ROBO2: variants seen among roughly 807,000 people sequenced by gnomAD.
ROBO2 encodes roundabout homolog 2.
ROBO2 carries 53 observed loss-of-function variants against 160.8 expected under a neutral mutation model. That is an observed-to-expected ratio of 0.33 (90% CI 0.26 to 0.41). ROBO2 has a LOEUF of 0.41. Among genes scored for constraint, ROBO2 ranks in the 10% least tolerant of loss-of-function variants. The probability of loss-of-function intolerance (pLI) is 1.00; values close to 1 mark genes in which losing one functional copy is unlikely to be tolerated. For missense variants in ROBO2, 1,577 were observed against 1,722.4 expected, an observed-to-expected ratio of 0.92 and a Z score of 1.49; for synonymous variants, 664 against 611.7, an observed-to-expected ratio of 1.09 and a Z score of -1.26.
chr3:76,587,857 T>C (rs956163441), intron 2 of ROBO2, among the ~76,000 whole-genome samples: 9 of 152,196 alleles, frequency 5.9e-5, no homozygotes, highest in African/African-American at 2.2e-4. Flanking sequence ...TCAGCCAATG[T>C]GTGGTCGACA....
intron 2 of ROBO2, among the ~76,000 whole-genome samples, chr3:76,973,933 A>C (rs2149294635): frequency 6.6e-6 from 1 of 152,266 alleles, no homozygotes; most frequent in African/African-American, 2.4e-5. Context: ...TGATAAACTC[A>C]AGAAAAGGGC....
At chr3:76,909,293 T>A (rs1384532196) in intron 2 of ROBO2, among the ~76,000 whole-genome samples, 2 of 152,134 alleles carry the variant, frequency 1.3e-5, no homozygotes, top group East Asian at 1.9e-4. Flanking sequence ...CAAAATAGGA[T>A]CTTCACTCAT....
intron 2 of ROBO2, among the ~76,000 whole-genome samples, chr3:76,254,293 A>G (rs1007469906): frequency 1.3e-5 from 2 of 152,156 alleles, no homozygotes; most frequent in Non-Finnish European, 2.9e-5. Flanking sequence ...TATGAGGACC[A>G]TCACATCCAT....
chr3:77,265,699 A>G (rs2059079094), intron 2 of ROBO2, among the ~76,000 whole-genome samples: 1 of 152,156 alleles, frequency 6.6e-6, no homozygotes, highest in African/African-American at 2.4e-5. Context: ...ATCTTACTGT[A>G]TACTTTCCAT....
chr3:77,197,282 T>A (rs1277217270), intron 2 of ROBO2, among the ~76,000 whole-genome samples: 1 of 152,144 alleles, frequency 6.6e-6, no homozygotes, highest in East Asian at 1.9e-4. Context: ...CTGCTTCTAG[T>A]GTTGGATGAG....
intron 2 of ROBO2, among the ~76,000 whole-genome samples, chr3:76,982,251 T>C (rs897174761): frequency 4.6e-5 from 7 of 152,228 alleles, no homozygotes; most frequent in African/African-American, 1.7e-4. Flanking sequence ...TAGTTTTTTA[T>C]ATGGTATGAG....
intron 2 of ROBO2, among the ~76,000 whole-genome samples, chr3:76,994,169 A>T (rs1011040428): frequency 1.3e-5 from 2 of 152,138 alleles, no homozygotes; most frequent in Non-Finnish European, 2.9e-5. Context: ...TTAGCTTTGA[A>T]CAACCCTGTT....
intron 1 of ROBO2, among the ~76,000 whole-genome samples, chr3:75,924,697 T>TTTG (rs1442864191): frequency 7.8e-6 from 1 of 127,742 alleles, no homozygotes; most frequent in Non-Finnish European, 1.7e-5. Context: ...TTTTTTTTTT[T>TTTG]TTTTTTTTGA....
At chr3:76,157,511 TC>T in intron 2 of ROBO2, among the ~76,000 whole-genome samples, 1 of 152,342 alleles carries the variant, frequency 6.6e-6, no homozygotes, top group East Asian at 1.9e-4. Flanking sequence ...TAACATGTAC[TC>T]TGTGCTAATT....
intron 2 of ROBO2, among the ~76,000 whole-genome samples, chr3:77,263,720 A>T (rs1331074166): frequency 6.6e-6 from 1 of 152,156 alleles, no homozygotes. Flanking sequence ...ACATGAGTGA[A>T]TGTGTCTTTA....
chr3:76,678,361 C>T (rs56298281), intron 2 of ROBO2, among the ~76,000 whole-genome samples: 79,399 of 151,828 alleles, frequency 0.52, 21,289 homozygotes, highest in East Asian at 0.76. Flanking sequence ...TATTCTGAGT[C>T]CTTTTTATAA....
intron 2 of ROBO2, among the ~76,000 whole-genome samples, chr3:76,044,248 C>T (rs1352219850): frequency 6.6e-6 from 1 of 152,014 alleles, no homozygotes; most frequent in African/African-American, 2.4e-5. Context: ...CAAGTTATCA[C>T]GAAGTGGGTG....
intron 2 of ROBO2, among the ~76,000 whole-genome samples, chr3:76,019,356 G>C (rs902042671): frequency 6.6e-6 from 1 of 151,426 alleles, no homozygotes; most frequent in Non-Finnish European, 1.5e-5. Context: ...ACATGGTTCG[G>C]TTTTCTCTGA....
chr3:76,233,497 A>G (rs1456572337), intron 2 of ROBO2, among the ~76,000 whole-genome samples: 2 of 152,092 alleles, frequency 1.3e-5, no homozygotes, highest in Non-Finnish European at 2.9e-5. Context: ...ATCTGCCCTC[A>G]GGTTATCTGG....
At chr3:76,711,373 G>A (rs1389633938) in intron 2 of ROBO2, among the ~76,000 whole-genome samples, 2 of 152,080 alleles carry the variant, frequency 1.3e-5, no homozygotes, top group African/African-American at 4.8e-5. Context: ...CTCCTACCAG[G>A]CCCCTCCCCT....
At chr3:76,091,300 T>C (rs997903177) in intron 2 of ROBO2, among the ~76,000 whole-genome samples, 1 of 152,084 alleles carries the variant, frequency 6.6e-6, no homozygotes, top group Non-Finnish European at 1.5e-5. Flanking sequence ...CTAAAGAAGA[T>C]ATAAAGACGG....
At chr3:76,138,564 C>G (rs565112402) in intron 2 of ROBO2, among the ~76,000 whole-genome samples, 1 of 152,122 alleles carries the variant, frequency 6.6e-6, no homozygotes, top group South Asian at 2.1e-4. Flanking sequence ...CTAAGCACCT[C>G]TTTTAAAGTG....
chr3:77,173,996 C>A (rs1332261133), intron 2 of ROBO2, among the ~76,000 whole-genome samples: 1 of 151,966 alleles, frequency 6.6e-6, no homozygotes. Context: ...GTGTGTTTTT[C>A]ATTTCTTGAC....
rs528404849 is a variant in ROBO2 at position 77,488,300 on chromosome 3, G to A, written c.668-4944G>A. On this transcript the variant is annotated intron_variant, in intron 4 of 25. Transcript: ENST00000461745. ...ACATAAAAAAATGTTAATTGCATTG[G>A]CAAAGACATTGCCTCTGATCACTCT... 2.9e-4 allele frequency among the ~76,000 whole-genome samples: 44 copies of A among 152,224 alleles called. 1 individual carries two copies. The South Asian group carries it at 8.5e-3, about 29-fold the overall frequency.
Sources: gnomAD v4.1 joint callset for allele counts (sites outside exome capture counted in the v4.1 genomes callset) on GRCh38, gnomAD v4.1.1 for gene constraint, MANE v1.5 for transcripts, NCBI Gene and HGNC (gene_info 2026-07-23, HGNC 2026-07-21) for gene names.